FAIM: variants seen among roughly 807,000 people sequenced by gnomAD.
The protein encoded by FAIM is fas apoptotic inhibitory molecule 1.
Under a neutral mutation model 21.2 loss-of-function variants are expected in FAIM, and 14 were observed. The ratio of observed to expected loss-of-function variants is 0.66; its 90% CI spans 0.44 to 1.03. The LOEUF is 1.03. FAIM is among the 50% of genes least tolerant of loss of function. FAIM has a pLI of 0.00. For synonymous variants in FAIM, 86 were observed against 80.4 expected, an observed-to-expected ratio of 1.07 and a Z score of -0.37; for missense variants, 222 against 247.1, an observed-to-expected ratio of 0.90 and a Z score of 0.68.
Position 138,632,925 on chromosome 3 carries a change from T to A in FAIM, c.457-5T>A, listed in dbSNP as rs1292386545. ...CACTAATTCCTTCTTCTTTTGTTGC[T>A]CCAGGGTGAGTTTGTAGATGATGGG... On this transcript the variant is annotated splice_region_variant and splice_polypyrimidine_tract_variant and intron_variant, in intron 5 of 5. Transcript: ENST00000360570. The A allele has an allele frequency of 6.2e-7, 1 of 1,612,022 alleles. No homozygotes were observed. Among genetic ancestry groups the A allele is most frequent in the Non-Finnish European group, 8.5e-7 (1 of 1,179,254 alleles).
At chr3:138,622,076 G>A (rs903966099) in intron 3 of FAIM, 112 bp from the exon 4 acceptor site, 12 of 913,218 alleles carry the variant, frequency 1.3e-5, no homozygotes, top group African/African-American at 1.2e-4. Context: ...CACCACTCCC[G>A]GCAATGAAAT....
intron 1 of FAIM, chr3:138,610,895 A>T: frequency 6.8e-7 from 1 of 1,477,114 alleles, no homozygotes; most frequent in South Asian, 1.1e-5. Context: ...CTTTCTCCAA[A>T]GTTTTAAACC....
At chr3:138,616,079 G>A (rs1325023814) in intron 1 of FAIM, among the ~76,000 whole-genome samples, 2 of 152,182 alleles carry the variant, frequency 1.3e-5, no homozygotes, top group African/African-American at 2.4e-5. Flanking sequence ...AAGAACCCAG[G>A]ACTGGCAGTG....
At chr3:138,621,339 TGGAA>T (rs2042882371) in intron 2 of FAIM, 64 bp from the exon 3 acceptor site, 1 of 1,491,050 alleles carries the variant, frequency 6.7e-7, no homozygotes, top group East Asian at 2.3e-5. Context: ...ATTTTCATCT[TGGAA>T]GGATTAATTG....
rs184107056 is a variant in FAIM, at chr3:138,627,090, G to A, written c.407-2017G>A. On this transcript the variant is annotated intron_variant, in intron 4 of 5. Coordinates refer to ENST00000360570, the MANE Select transcript of FAIM (RefSeq NM_001033031.2). ...AAGTTTAGTCCTTTGTTCATGCTGTGAGTTTGACATATTTTTTTCAGAGTT... is the reference window on the plus strand; with the variant it reads ...AAGTTTAGTCCTTTGTTCATGCTGTAAGTTTGACATATTTTTTTCAGAGTT... Among the ~76,000 whole-genome samples, 72 of 151,794 alleles carry A rather than the reference G, an allele frequency of 4.7e-4. 1 individual carries two copies. Among genetic ancestry groups the A allele is most frequent in the African/African-American group, 1.7e-3 (70 of 41,420 alleles).
At chr3:138,617,617 C>CT (rs1026579973) in intron 1 of FAIM, among the ~76,000 whole-genome samples, 2 of 141,616 alleles carry the variant, frequency 1.4e-5, no homozygotes, top group Non-Finnish European at 3.0e-5. Context: ...TACTATCTGT[C>CT]TATCTATAAT....
chr3:138,620,310 T>C (rs2042870408), intron 2 of FAIM, among the ~76,000 whole-genome samples: 1 of 152,204 alleles, frequency 6.6e-6, no homozygotes, highest in African/African-American at 2.4e-5. Context: ...TACATAGTTA[T>C]CACTTAATAG....
At chr3:138,631,249 A>C (rs2043001922) in intron 5 of FAIM, 1 of 151,560 alleles carries the variant, frequency 6.6e-6, no homozygotes, top group African/African-American at 2.4e-5. Context: ...CCCTATCTCT[A>C]TAAATTTTTT....
At chr3:138,619,215 T>C (rs2042859051) in intron 1 of FAIM, among the ~76,000 whole-genome samples, 1 of 152,270 alleles carries the variant, frequency 6.6e-6, no homozygotes, top group South Asian at 2.1e-4. Context: ...TGTTCCACCA[T>C]AGTGTAGCCT....
At chr3:138,627,911 C>T (rs2042956788) in intron 4 of FAIM, among the ~76,000 whole-genome samples, 1 of 152,168 alleles carries the variant, frequency 6.6e-6, no homozygotes, top group African/African-American at 2.4e-5. Context: ...GGCAGTAAGA[C>T]CCTGGACTGG....
At chr3:138,610,366 G>C (rs993407542) in intron 1 of FAIM, among the ~76,000 whole-genome samples, 1 of 152,122 alleles carries the variant, frequency 6.6e-6, no homozygotes, top group Non-Finnish European at 1.5e-5. Context: ...TTTCTTTAAA[G>C]ACATGTAAAA....
At chr3:138,622,772 C>T (rs746905992) in intron 4 of FAIM, among the ~76,000 whole-genome samples, 2 of 152,092 alleles carry the variant, frequency 1.3e-5, no homozygotes, top group Non-Finnish European at 2.9e-5. Context: ...GGCGCAGTGA[C>T]TCATGCTTGT....
Position 138,632,931 on chromosome 3 carries a change from G to GTGA in FAIM, c.459_461dup (p.Gly153_Glu154insAsp), listed in dbSNP as rs774078173. On this transcript the variant is annotated inframe_insertion and splice_region_variant, in exon 6 of 6. Coordinates refer to ENST00000360570, the MANE Select transcript of FAIM (RefSeq NM_001033031.2). ...TTCCTTCTTCTTTTGTTGCTCCAGG[G>GTGA]TGAGTTTGTAGATGATGGGACTGAA... 6.2e-7 allele frequency: 1 copy of GTGA among 1,611,972 alleles called. No individual in the cohort carries two copies. Among genetic ancestry groups the GTGA allele is most frequent in the Non-Finnish European group, 8.5e-7 (1 of 1,179,174 alleles).
At chr3:138,611,969 C>G (rs1468880127) in intron 1 of FAIM, among the ~76,000 whole-genome samples, 1 of 152,192 alleles carries the variant, frequency 6.6e-6, no homozygotes, top group Non-Finnish European at 1.5e-5. Context: ...ATGAAAGAGA[C>G]TGAGACTTCT....
In FAIM at chr3:138,622,391, T is replaced by C. The variant is rs754485027; in HGVS notation, c.381T>C (p.Asp127=). 4 of 1,604,340 alleles carry C rather than the reference T, an allele frequency of 2.5e-6. No individual in the cohort carries two copies. In the African/African-American group the frequency reaches 4.0e-5, roughly 16 times the overall value. Residue 127 remains aspartate (D), a synonymous_variant, in exon 4 of 6, where the codon GAT becomes GAC. Transcript: ENST00000360570. Reference sequence around the variant, plus strand: ...CCAATACTTGGGTATTACACATGGATGGTGAGAACTTTAGAATTGTTTTGG... The same window carrying C: ...CCAATACTTGGGTATTACACATGGACGGTGAGAACTTTAGAATTGTTTTGG... ...KTTNTWVLHM[D]GENFRIVLEK...
chr3:138,624,391 C>CA (rs2042917945), intron 4 of FAIM, among the ~76,000 whole-genome samples: 1 of 152,112 alleles, frequency 6.6e-6, no homozygotes, highest in Non-Finnish European at 1.5e-5. Context: ...CAGGGGCCTG[C>CA]TTATCTACTT....
At chr3:138,616,671 A>T (rs560973322) in intron 1 of FAIM, among the ~76,000 whole-genome samples, 1 of 152,186 alleles carries the variant, frequency 6.6e-6, no homozygotes, top group Non-Finnish European at 1.5e-5. Context: ...AGGAGTAATT[A>T]TAACAGTATT....
chr3:138,623,904 T>C (rs1405561751), intron 4 of FAIM, among the ~76,000 whole-genome samples: 5 of 152,218 alleles, frequency 3.3e-5, no homozygotes, highest in Non-Finnish European at 5.9e-5. Context: ...TCATGCTAAG[T>C]TGATAGTTTT....
At position 138,608,897 on chromosome 3, in the gene FAIM, T is replaced by C. The variant is rs970016759; in HGVS notation, c.-57T>C. 15 of 152,438 alleles carry C rather than the reference T, an allele frequency of 9.8e-5. No individual in the cohort carries two copies. Among genetic ancestry groups the C allele is most frequent in the African/African-American group, 3.6e-4 (15 of 41,570 alleles). The allele number at this position is 152,438 out of a possible 1,614,324, so 9.4% of individuals were successfully genotyped here. Reference sequence around the variant, plus strand: ...GAGTCGGAACCAACCGGTTGTTTGGTGAAACCTACCCCAGAGCCTCCCGCG... The same window carrying C: ...GAGTCGGAACCAACCGGTTGTTTGGCGAAACCTACCCCAGAGCCTCCCGCG... On this transcript the variant is annotated 5_prime_UTR_variant, in exon 1 of 6. Coordinates refer to ENST00000360570, the MANE Select transcript of FAIM (RefSeq NM_001033031.2).
Sources: gnomAD v4.1 joint callset for allele counts (sites outside exome capture counted in the v4.1 genomes callset) on GRCh38, gnomAD v4.1.1 for gene constraint, MANE v1.5 for transcripts, NCBI Gene and HGNC (gene_info 2026-07-23, HGNC 2026-07-21) for gene names.